GRHL2: variants seen among roughly 807,000 people sequenced by gnomAD.
GRHL2 encodes the protein grainyhead-like protein 2 homolog.
Under a neutral mutation model 83.8 loss-of-function variants are expected in GRHL2, and 21 were observed. The ratio of observed to expected loss-of-function variants is 0.25; its 90% CI spans 0.18 to 0.36. GRHL2 has a LOEUF of 0.36. Ranked by LOEUF, GRHL2 falls within the 10% of genes least tolerant of loss-of-function variation. GRHL2 has a pLI of 1.00. For synonymous variants in GRHL2, 280 were observed against 278.9 expected (o/e 1.00, Z -0.04); for missense variants, 623 against 781.8 (o/e 0.80, Z 2.42).
rs760857170 is a variant in GRHL2, at chr8:101,573,749, A to G, written c.816A>G (p.Lys272=). Residue 272 remains lysine (K), a synonymous_variant, in exon 6 of 16, where the codon AAA becomes AAG. Coordinates refer to ENST00000646743, the MANE Select transcript of GRHL2 (RefSeq NM_024915.4). The part of the protein sequence containing the change: ...QGEGPMTYLN[K]GQFYAITLSE... ...AGGGCCCCATGACCTACCTCAACAA[A>G]GGACAGTTCTATGCCATAACACTCA... 14 of 1,614,204 alleles carry G rather than the reference A, an allele frequency of 8.7e-6. No individual in the cohort carries two copies. In the Admixed American group the frequency reaches 2.3e-4, roughly 27 times the overall value.
At chr8:101,662,667 A>AG (rs1813946543) in intron 14 of GRHL2, among the ~76,000 whole-genome samples, 1 of 152,252 alleles carries the variant, frequency 6.6e-6, no homozygotes, top group Admixed American at 6.5e-5. Flanking sequence ...CATTTAGGGC[A>AG]GGGCTTTCCC....
At chr8:101,500,915 T>C (rs1482603831) in intron 1 of GRHL2, among the ~76,000 whole-genome samples, 2 of 152,134 alleles carry the variant, frequency 1.3e-5, no homozygotes, top group Admixed American at 1.3e-4. Context: ...AAGCATTCCT[T>C]TGGGGATCTC....
the GRHL2 span, among the ~76,000 whole-genome samples, chr8:101,678,212 G>T: frequency 3.3e-5 from 5 of 152,156 alleles, no homozygotes; most frequent in East Asian, 7.7e-4. Context: ...GTGGGCGCAG[G>T]TCAGTGGGTG....
At position 101,636,887 on chromosome 8, in the gene GRHL2, T is replaced by G. The variant is rs764979004; in HGVS notation, c.1486-10T>G. 34 of 1,613,022 alleles carry G rather than the reference T, an allele frequency of 2.1e-5. No homozygotes were observed. The South Asian group carries it at 2.7e-4, about 13-fold the overall frequency. ...CTGACCTACAGTAAGCCTATTGTTT[T>G]GTTCCACAGGTGTATTACAACACGG... On this transcript the variant is annotated splice_polypyrimidine_tract_variant and intron_variant, in intron 11 of 15. Transcript: ENST00000646743.
chr8:101,552,413 A>T (rs1235230139), intron 2 of GRHL2, among the ~76,000 whole-genome samples: 2 of 152,172 alleles, frequency 1.3e-5, no homozygotes, highest in African/African-American at 4.8e-5. Flanking sequence ...CTCCCCTCTT[A>T]CACTCCCAAG....
At chr8:101,493,859 T>A (rs1410987005) in intron 1 of GRHL2, among the ~76,000 whole-genome samples, 21 of 151,470 alleles carry the variant, frequency 1.4e-4, no homozygotes. Context: ...GGCCGCGTCC[T>A]GACGGCCTCC....
chr8:101,607,293 T>A (rs904068372), intron 8 of GRHL2, among the ~76,000 whole-genome samples: 1 of 152,196 alleles, frequency 6.6e-6, no homozygotes, highest in African/African-American at 2.4e-5. Context: ...CACTGCTGGA[T>A]ACCAAAGGAG....
intron 8 of GRHL2, among the ~76,000 whole-genome samples, chr8:101,615,156 C>G (rs1259397493): frequency 6.6e-6 from 1 of 152,182 alleles, no homozygotes; most frequent in Non-Finnish European, 1.5e-5. Flanking sequence ...TAAAGACCAT[C>G]TCTACTGGGT....
chr8:101,601,078 C>G (rs544727048), intron 8 of GRHL2, among the ~76,000 whole-genome samples: 1 of 151,880 alleles, frequency 6.6e-6, no homozygotes, highest in Non-Finnish European at 1.5e-5. Flanking sequence ...GAGGATTGCT[C>G]AAGCCCAGGA....
At chr8:101,590,739 T>A (rs927171534) in intron 7 of GRHL2, among the ~76,000 whole-genome samples, 5 of 152,148 alleles carry the variant, frequency 3.3e-5, no homozygotes, top group African/African-American at 1.2e-4. Flanking sequence ...GCCCCAAATA[T>A]ATAAACTATG....
intron 14 of GRHL2, among the ~76,000 whole-genome samples, chr8:101,659,070 A>G (rs533666935): frequency 2.6e-5 from 4 of 152,342 alleles, no homozygotes; most frequent in Admixed American, 2.0e-4. Context: ...ATTGATATTT[A>G]TCATCAAAAT....
At position 101,668,463 on chromosome 8, in the gene GRHL2, A is replaced by G. The variant is rs1233160118; in HGVS notation, c.*1760A>G. 6.5e-6 allele frequency: 1 copy of G among 152,992 alleles called. No individual in the cohort carries two copies. The highest frequency in any genetic ancestry group is 1.5e-5 in the Non-Finnish European group (1 of 68,246). 9.5% of individuals were successfully genotyped at this position (152,992 alleles called of 1,614,324 possible). On this transcript the variant is annotated 3_prime_UTR_variant, in exon 16 of 16. Transcript: ENST00000646743. ...GGAGGAATTGAATTGAATGGGACAG[A>G]GGGCAGGTGCTGTGGCCAAGAAGAT...
intron 6 of GRHL2, among the ~76,000 whole-genome samples, chr8:101,575,375 A>G (rs1815558434): frequency 6.6e-6 from 1 of 152,202 alleles, no homozygotes; most frequent in Non-Finnish European, 1.5e-5. Context: ...TGCTGAAATC[A>G]TGAAAATAAT....
rs764419988 is a variant in GRHL2, at chr8:101,543,445, C to G, written c.216+9C>G. Reference sequence around the variant, plus strand: ...TCTATGACTACTACAAGGTAGGTCCCCAGCCTCCACTTTTCTCTTCTTCCT... The same window carrying G: ...TCTATGACTACTACAAGGTAGGTCCGCAGCCTCCACTTTTCTCTTCTTCCT... On this transcript the variant is annotated intron_variant, in intron 2 of 15. Coordinates refer to ENST00000646743, the MANE Select transcript of GRHL2 (RefSeq NM_024915.4). The G allele has an allele frequency of 6.2e-7, 1 of 1,613,126 alleles. No individual in the cohort carries two copies. The highest frequency in any genetic ancestry group is 8.5e-7 in the Non-Finnish European group (1 of 1,179,158).
chr8:101,501,587 G>A (rs1810230097), intron 1 of GRHL2, among the ~76,000 whole-genome samples: 2 of 152,110 alleles, frequency 1.3e-5, no homozygotes, highest in South Asian at 2.1e-4. Flanking sequence ...GAGTGTGAGC[G>A]GCCAGCAGGG....
intron 1 of GRHL2, among the ~76,000 whole-genome samples, chr8:101,509,213 G>C (rs1467577885): frequency 1.7e-3 from 19 of 11,494 alleles, no homozygotes; most frequent in Non-Finnish European, 3.5e-3. Flanking sequence ...TTCTTCTTGT[G>C]TGTGTGTGTG....
At chr8:101,658,818 C>A (rs1461675483) in intron 14 of GRHL2, among the ~76,000 whole-genome samples, 2 of 151,546 alleles carry the variant, frequency 1.3e-5, no homozygotes, top group Non-Finnish European at 2.9e-5. Context: ...AACCAAAGTT[C>A]AAAAAAAACC....
At chr8:101,678,233 G>T in the GRHL2 span, among the ~76,000 whole-genome samples, 1 of 152,194 alleles carries the variant, frequency 6.6e-6, no homozygotes, top group South Asian at 2.1e-4. Context: ...CGCGCACCGT[G>T]TGCGAGCCAA....
intron 7 of GRHL2, among the ~76,000 whole-genome samples, chr8:101,581,817 G>A (rs1452697166): frequency 6.6e-6 from 1 of 152,190 alleles, no homozygotes; most frequent in Admixed American, 6.5e-5. Flanking sequence ...GCATAGAAGA[G>A]CGCTTCCCAG....
Sources: gnomAD v4.1 joint callset for allele counts (sites outside exome capture counted in the v4.1 genomes callset) on GRCh38, gnomAD v4.1.1 for gene constraint, MANE v1.5 for transcripts, NCBI Gene and HGNC (gene_info 2026-07-23, HGNC 2026-07-21) for gene names.